TMCC1: variants seen among roughly 807,000 people sequenced by gnomAD.
TMCC1 encodes transmembrane and coiled-coil domain family 1.
Under a neutral mutation model 52.4 loss-of-function variants are expected in TMCC1, and 15 were observed. The ratio of observed to expected loss-of-function variants is 0.29; its 90% CI spans 0.19 to 0.44. The LOEUF (loss-of-function observed/expected upper bound fraction) is 0.44. Ranked by LOEUF, TMCC1 falls within the 20% of genes least tolerant of loss-of-function variation. The pLI is 1.00. For synonymous variants in TMCC1, 279 were observed against 301.9 expected, an observed-to-expected ratio of 0.92 and a Z score of 0.79; for missense variants, 503 against 806.0, an observed-to-expected ratio of 0.62 and a Z score of 4.55.
chr3:129,713,192 A>G (rs150327960), intron 4 of TMCC1, among the ~76,000 whole-genome samples: 9 of 152,266 alleles, frequency 5.9e-5, no homozygotes, highest in African/African-American at 1.7e-4. Flanking sequence ...AACTCAGGAG[A>G]AGGAGGCTGT....
chr3:129,833,696 A>G (rs1489483208), intron 2 of TMCC1, among the ~76,000 whole-genome samples: 1 of 152,292 alleles, frequency 6.6e-6, no homozygotes, highest in East Asian at 1.9e-4. Flanking sequence ...GAGTTCTAAG[A>G]CCAGCTTGGG....
chr3:129,745,660 T>C (rs1353528114), intron 4 of TMCC1, among the ~76,000 whole-genome samples: 1 of 152,036 alleles, frequency 6.6e-6, no homozygotes, highest in Non-Finnish European at 1.5e-5. Flanking sequence ...TCTTTTCTCA[T>C]TTTAAAAAAG....
At chr3:129,891,849 A>G (rs1276332259) in intron 1 of TMCC1, among the ~76,000 whole-genome samples, 1 of 152,234 alleles carries the variant, frequency 6.6e-6, no homozygotes, top group Non-Finnish European at 1.5e-5. Flanking sequence ...CACATTTATG[A>G]GAGGCATAAG....
chr3:129,890,232 CAG>C (rs1560631322), intron 1 of TMCC1, among the ~76,000 whole-genome samples: 2 of 152,224 alleles, frequency 1.3e-5, no homozygotes, highest in African/African-American at 4.8e-5. Context: ...GCAGAACTAA[CAG>C]AGTTACACCT....
At chr3:129,672,491 T>C (rs2088038840) in intron 4 of TMCC1, among the ~76,000 whole-genome samples, 1 of 152,008 alleles carries the variant, frequency 6.6e-6, no homozygotes, top group African/African-American at 2.4e-5. Flanking sequence ...TTCCAGCTAG[T>C]AGGGAAGCTG....
intron 2 of TMCC1, among the ~76,000 whole-genome samples, chr3:129,840,321 T>C (rs1235492893): frequency 1.8e-5 from 1 of 56,304 alleles, no homozygotes; most frequent in Non-Finnish European, 3.2e-5. Context: ...AGTGAGAACC[T>C]GTCTCAAAAA....
At chr3:129,747,761 G>A (rs529453848) in intron 4 of TMCC1, among the ~76,000 whole-genome samples, 1 of 152,062 alleles carries the variant, frequency 6.6e-6, no homozygotes, top group African/African-American at 2.4e-5. Flanking sequence ...ACATGAATCC[G>A]ACCCCTTATC....
At chr3:129,689,644 A>C (rs1218504929) in intron 4 of TMCC1, among the ~76,000 whole-genome samples, 1 of 152,172 alleles carries the variant, frequency 6.6e-6, no homozygotes, top group Non-Finnish European at 1.5e-5. Flanking sequence ...CAGTACTAAC[A>C]GGTCAAAGAA....
chr3:129,698,661 A>G (rs1213944366), intron 4 of TMCC1, among the ~76,000 whole-genome samples: 2 of 152,220 alleles, frequency 1.3e-5, no homozygotes, highest in African/African-American at 4.8e-5. Context: ...TCTTTTTTAA[A>G]GCAACTAATT....
intron 4 of TMCC1, among the ~76,000 whole-genome samples, chr3:129,737,810 C>A (rs190183737): frequency 6.6e-6 from 1 of 152,274 alleles, no homozygotes; most frequent in Non-Finnish European, 1.5e-5. Context: ...ACCATAATTT[C>A]TTGATATCAT....
intron 3 of TMCC1, among the ~76,000 whole-genome samples, chr3:129,830,689 T>G (rs748076265): frequency 6.6e-5 from 10 of 152,178 alleles, no homozygotes; most frequent in Non-Finnish European, 1.3e-4. Flanking sequence ...AATATGTTTA[T>G]CCCATGAGAT....
intron 4 of TMCC1, among the ~76,000 whole-genome samples, chr3:129,713,711 C>CAAAAAAAAAAA (rs113963331): frequency 1.2e-4 from 7 of 60,098 alleles, no homozygotes; most frequent in Non-Finnish European, 2.2e-4. Context: ...ACCCCCATCT[C>CAAAAAAAAAAA]AAAAAAAAAA....
At chr3:129,705,903 T>TC (rs2048195782) in intron 4 of TMCC1, among the ~76,000 whole-genome samples, 1 of 148,276 alleles carries the variant, frequency 6.7e-6, no homozygotes, top group Non-Finnish European at 1.5e-5. Context: ...TTTTTTCTTT[T>TC]TTTTTGAGAC....
At chr3:129,728,260 A>G (rs1045146028) in intron 4 of TMCC1, among the ~76,000 whole-genome samples, 1 of 152,206 alleles carries the variant, frequency 6.6e-6, no homozygotes, top group Non-Finnish European at 1.5e-5. Context: ...AGACAAATAA[A>G]TTGTCACTTT....
intron 4 of TMCC1, among the ~76,000 whole-genome samples, chr3:129,705,338 G>C (rs1373212832): frequency 1.3e-5 from 2 of 152,076 alleles, no homozygotes; most frequent in Non-Finnish European, 2.9e-5. Flanking sequence ...TCAAGTCTTT[G>C]TGACAAATAA....
At chr3:129,668,125 C>T (rs1014104835) in intron 5 of TMCC1, among the ~76,000 whole-genome samples, 1 of 152,126 alleles carries the variant, frequency 6.6e-6, no homozygotes, top group African/African-American at 2.4e-5. Context: ...GAGGTCGAGG[C>T]TGCAGTGAGC....
chr3:129,721,908 G>A (rs1211465458), intron 4 of TMCC1, among the ~76,000 whole-genome samples: 1 of 152,028 alleles, frequency 6.6e-6, no homozygotes, highest in Admixed American at 6.6e-5. Flanking sequence ...CAAAGCGTGT[G>A]CAATCTCATG....
intron 4 of TMCC1, among the ~76,000 whole-genome samples, chr3:129,736,864 A>G (rs1447252579): frequency 6.6e-6 from 1 of 152,150 alleles, no homozygotes; most frequent in African/African-American, 2.4e-5. Context: ...TTTTAATTAT[A>G]AAAAATTTCA....
At chr3:129,862,908 A>AC in intron 2 of TMCC1, among the ~76,000 whole-genome samples, 1 of 152,340 alleles carries the variant, frequency 6.6e-6, no homozygotes, top group Admixed American at 6.5e-5. Context: ...TTAGGAAAGC[A>AC]TTTTAACACA....
Sources: gnomAD v4.1 joint callset for allele counts (sites outside exome capture counted in the v4.1 genomes callset) on GRCh38, gnomAD v4.1.1 for gene constraint, MANE v1.5 for transcripts, NCBI Gene and HGNC (gene_info 2026-07-23, HGNC 2026-07-21) for gene names.